The following KLHL29 variants were observed in gnomAD, a reference collection of about 807,000 sequenced individuals.
KLHL29 encodes the protein kelch-like protein 29.
A neutral mutation model predicts 80.4 loss-of-function variants in KLHL29; 21 were observed. The ratio of observed to expected loss-of-function variants is 0.26; its 90% CI spans 0.19 to 0.38. The LOEUF (loss-of-function observed/expected upper bound fraction) is 0.38, where lower values mean the gene tolerates loss of function less well. Ranked by LOEUF, KLHL29 falls within the 10% of genes least tolerant of loss-of-function variation. The pLI is 1.00. For missense variants in KLHL29, 867 were observed against 1,223.9 expected, an observed-to-expected ratio of 0.71 and a Z score of 4.35; for synonymous variants, 511 against 526.8, an observed-to-expected ratio of 0.97 and a Z score of 0.41.
chr2:23,603,900 G>A (rs375021554), intron 3 of KLHL29, among the ~76,000 whole-genome samples: 12 of 152,314 alleles, frequency 7.9e-5, no homozygotes, highest in African/African-American at 2.6e-4. Context: ...CATTGTCCCC[G>A]TCTCCTCCAG....
At chr2:23,603,120 C>T (rs761050476) in intron 3 of KLHL29, among the ~76,000 whole-genome samples, 3 of 152,276 alleles carry the variant, frequency 2.0e-5, no homozygotes, top group African/African-American at 4.8e-5. Context: ...AGTGACCCCC[C>T]ACCCCAGGGC....
intron 3 of KLHL29, among the ~76,000 whole-genome samples, chr2:23,618,379 C>G (rs1050585388): frequency 6.6e-6 from 1 of 152,164 alleles, no homozygotes; most frequent in Non-Finnish European, 1.5e-5. Flanking sequence ...GATTAAGATT[C>G]AAATCAGTAG....
At chr2:23,538,414 T>C (rs1252895146) in intron 2 of KLHL29, among the ~76,000 whole-genome samples, 1 of 152,260 alleles carries the variant, frequency 6.6e-6, no homozygotes, top group Non-Finnish European at 1.5e-5. Flanking sequence ...TATTCTGTTT[T>C]ATCTTTATCA....
intron 2 of KLHL29, among the ~76,000 whole-genome samples, chr2:23,483,090 G>A (rs563745091): frequency 2.0e-5 from 3 of 152,256 alleles, no homozygotes; most frequent in South Asian, 4.2e-4. Flanking sequence ...TCATTTACTT[G>A]ACTTAGTGAG....
chr2:23,701,037 A>G (rs1230626152), intron 11 of KLHL29, among the ~76,000 whole-genome samples: 1 of 152,050 alleles, frequency 6.6e-6, no homozygotes, highest in African/African-American at 2.4e-5. Flanking sequence ...CAAATATCTG[A>G]CTGTCTGCTG....
chr2:23,627,273 C>T (rs1258529329), intron 3 of KLHL29, among the ~76,000 whole-genome samples: 1 of 152,188 alleles, frequency 6.6e-6, no homozygotes, highest in Non-Finnish European at 1.5e-5. Flanking sequence ...ACTTTAACCA[C>T]CTCAATTCTG....
intron 3 of KLHL29, among the ~76,000 whole-genome samples, chr2:23,589,916 C>T (rs1163148669): frequency 6.6e-6 from 1 of 152,234 alleles, no homozygotes; most frequent in Non-Finnish European, 1.5e-5. Flanking sequence ...GAACAACTGT[C>T]AACGTCTATT....
chr2:23,514,800 G>A (rs371555212), intron 2 of KLHL29, among the ~76,000 whole-genome samples: 1 of 152,170 alleles, frequency 6.6e-6, no homozygotes, highest in South Asian at 2.1e-4. Context: ...AATAGACCAC[G>A]CTCCATCTAT....
intron 3 of KLHL29, among the ~76,000 whole-genome samples, chr2:23,580,294 C>G: frequency 6.6e-6 from 1 of 151,528 alleles, no homozygotes; most frequent in Non-Finnish European, 1.5e-5. Flanking sequence ...ATGGCGTGAA[C>G]CCAGGAGGCA....
intron 2 of KLHL29, among the ~76,000 whole-genome samples, chr2:23,524,751 A>G (rs1666245996): frequency 6.6e-6 from 1 of 152,204 alleles, no homozygotes; most frequent in Non-Finnish European, 1.5e-5. Context: ...TAAAAGTCAA[A>G]GTTTCTGAAG....
At chr2:23,705,155 C>A (rs974565275) in intron 13 of KLHL29, among the ~76,000 whole-genome samples, 2 of 152,204 alleles carry the variant, frequency 1.3e-5, no homozygotes, top group Non-Finnish European at 2.9e-5. Flanking sequence ...TGGAGCATTG[C>A]GCTCCACTTG....
chr2:23,485,029 T>G lies in KLHL29; in HGVS notation c.-46+9362T>G, dbSNP rs529027438. Among the ~76,000 whole-genome samples the G allele has an allele frequency of 3.3e-5, 5 of 152,352 alleles. No individual in the cohort carries two copies. In the South Asian group the frequency reaches 1.0e-3, roughly 32 times the overall value. On this transcript the variant is annotated intron_variant, in intron 2 of 13. Coordinates refer to ENST00000486442, the MANE Select transcript of KLHL29 (RefSeq NM_052920.2). Reference sequence around the variant, plus strand: ...ATTTCTCTCCCTGGCACCCTTGTAGTACTTGCTGCTTCCTGGTTCCGGTGT... The same window carrying G: ...ATTTCTCTCCCTGGCACCCTTGTAGGACTTGCTGCTTCCTGGTTCCGGTGT...
At chr2:23,490,083 C>G (rs550333537) in intron 2 of KLHL29, among the ~76,000 whole-genome samples, 1 of 152,326 alleles carries the variant, frequency 6.6e-6, no homozygotes, top group Admixed American at 6.5e-5. Flanking sequence ...GGGGAGCCTC[C>G]GTGGGCGAGG....
chr2:23,616,457 G>A (rs931437761), intron 3 of KLHL29: 3 of 152,130 alleles, frequency 2.0e-5, no homozygotes, highest in Admixed American at 6.5e-5. Flanking sequence ...TGTTGTCCTC[G>A]CCCCGCATCC....
At chr2:23,568,196 C>CA (rs369057357) in intron 3 of KLHL29, among the ~76,000 whole-genome samples, 42 of 150,190 alleles carry the variant, frequency 2.8e-4, no homozygotes, top group African/African-American at 9.5e-4. Context: ...TTAGTCTGGG[C>CA]AAAAAAAAAG....
intron 1 of KLHL29, among the ~76,000 whole-genome samples, chr2:23,442,934 T>C (rs972637250): frequency 6.6e-6 from 1 of 152,182 alleles, no homozygotes; most frequent in African/African-American, 2.4e-5. Context: ...TTACAGTCTT[T>C]CTGTTCAAGG....
rs534374611 is a variant in KLHL29, at chr2:23,507,783, G to A, written c.-46+32116G>A. On this transcript the variant is annotated intron_variant, in intron 2 of 13. Transcript: ENST00000486442. ...CTGTTGTTGCTCTGACCTTTGACAA[G>A]TCATTCCCTTGCCTATGTCTCGGTT... Among the ~76,000 whole-genome samples the A allele has an allele frequency of 4.6e-5, 7 of 152,254 alleles. No homozygotes were observed. In the South Asian group the frequency reaches 1.5e-3, roughly 32 times the overall value.
intron 3 of KLHL29, among the ~76,000 whole-genome samples, chr2:23,579,300 T>G (rs1667922760): frequency 6.6e-6 from 1 of 152,220 alleles, no homozygotes; most frequent in South Asian, 2.1e-4. Context: ...GGGCTTGAAC[T>G]CAGACCTTTT....
chr2:23,523,514 G>A (rs1289755396), intron 2 of KLHL29, among the ~76,000 whole-genome samples: 4 of 152,192 alleles, frequency 2.6e-5, no homozygotes, highest in Non-Finnish European at 5.9e-5. Flanking sequence ...TTTCAGCTAA[G>A]GCTGGCAGGA....
Sources: gnomAD v4.1 joint callset for allele counts (sites outside exome capture counted in the v4.1 genomes callset) on GRCh38, gnomAD v4.1.1 for gene constraint, MANE v1.5 for transcripts, NCBI Gene and HGNC (gene_info 2026-07-23, HGNC 2026-07-21) for gene names.